The following EPB41L5 variants were observed in gnomAD, a reference collection of about 807,000 sequenced individuals.
EPB41L5 encodes erythrocyte membrane protein band 4.1 like 5.
A neutral mutation model predicts 106.6 loss-of-function variants in EPB41L5; 55 were observed. The ratio of observed to expected loss-of-function variants is 0.52; its 90% CI spans 0.42 to 0.65. The LOEUF (loss-of-function observed/expected upper bound fraction) is 0.65. Among genes scored for constraint, EPB41L5 ranks in the 30% least tolerant of loss-of-function variants. The pLI, the probability that EPB41L5 is intolerant of heterozygous loss-of-function variation, is 0.00. For synonymous variants in EPB41L5, 297 were observed against 306.7 expected, an observed-to-expected ratio of 0.97 and a Z score of 0.33; for missense variants, 871 against 882.1, an observed-to-expected ratio of 0.99 and a Z score of 0.16.
chr2:120,114,608 T>A (rs1684868191), intron 16 of EPB41L5, among the ~76,000 whole-genome samples: 1 of 152,198 alleles, frequency 6.6e-6, no homozygotes, highest in Non-Finnish European at 1.5e-5. Flanking sequence ...ATTTAAAAAA[T>A]CTGGTTATTT....
At chr2:120,160,807 A>C in intron 20 of EPB41L5, 74 bp from the exon 21 acceptor site, 2 of 1,050,090 alleles carry the variant, frequency 1.9e-6, no homozygotes, top group Non-Finnish European at 2.9e-6. Flanking sequence ...CTTCTTTCCT[A>C]AGCCCTTTCT....
At chr2:120,018,297 A>T (rs1433215145) in intron 1 of EPB41L5, among the ~76,000 whole-genome samples, 1 of 151,974 alleles carries the variant, frequency 6.6e-6, no homozygotes, top group Non-Finnish European at 1.5e-5. Flanking sequence ...TCATCAAAGG[A>T]TACCTTAGTG....
At chr2:120,135,645 C>T (rs1279811201) in intron 18 of EPB41L5, among the ~76,000 whole-genome samples, 3 of 152,058 alleles carry the variant, frequency 2.0e-5, no homozygotes, top group South Asian at 4.2e-4. Flanking sequence ...TTCAGTAAGT[C>T]GAAGCAGACT....
chr2:120,040,640 A>G (rs1346135575), intron 2 of EPB41L5, among the ~76,000 whole-genome samples: 1 of 152,208 alleles, frequency 6.6e-6, no homozygotes, highest in Non-Finnish European at 1.5e-5. Context: ...AGGCATGTAC[A>G]TTTTTGAAAT....
At chr2:120,046,804 TAA>T (rs1264438291) in intron 3 of EPB41L5, among the ~76,000 whole-genome samples, 6 of 152,220 alleles carry the variant, frequency 3.9e-5, no homozygotes, top group African/African-American at 1.4e-4. Context: ...GTCTAACATT[TAA>T]GTCTTTAATC....
chr2:120,078,390 A>T, intron 9 of EPB41L5, 103 bp from the exon 10 acceptor site: 1 of 582,766 alleles, frequency 1.7e-6, no homozygotes, highest in Non-Finnish European at 2.9e-6. Context: ...TAGCCTGTAT[A>T]TAATTAATAC....
At chr2:120,117,306 C>T (rs1187448193) in intron 16 of EPB41L5, among the ~76,000 whole-genome samples, 1 of 152,176 alleles carries the variant, frequency 6.6e-6, no homozygotes, top group Non-Finnish European at 1.5e-5. Context: ...TTGCTATACC[C>T]ATGCCACTGT....
chr2:120,090,454 C>G lies in EPB41L5; in HGVS notation c.981C>G (p.Gly327=), dbSNP rs776807631. 6.2e-7 allele frequency: 1 copy of G among 1,613,732 alleles called. No homozygotes were observed. The change falls in exon 12 of 25, where the codon GGC becomes GGG. Residue 327 remains glycine, a synonymous_variant. Transcript: ENST00000263713. ...ATCATGCTTTCTTCCGCCTTCGAGG[C>G]CCCGTCCAAAAGAGTTCTCATCGAT... The part of the protein sequence containing the change: ...VEHHAFFRLR[G]PVQKSSHRSG...
chr2:120,096,370 A>C (rs765807223), intron 14 of EPB41L5, among the ~76,000 whole-genome samples: 2 of 152,170 alleles, frequency 1.3e-5, no homozygotes, highest in Non-Finnish European at 2.9e-5. Flanking sequence ...AACAGGGAGG[A>C]AGTGAAATTT....
At position 120,041,143 on chromosome 2, in the gene EPB41L5, CAT is replaced by C. The variant is rs201686509; in HGVS notation, c.181-860_181-859del. On this transcript the variant is annotated intron_variant, in intron 2 of 24. Transcript: ENST00000263713. ...CCTTTTATGTTAACGTAATATAAAA[CAT>C]ATTATAAAAATAACTATTTTCTAAA... 6.9e-3 allele frequency among the ~76,000 whole-genome samples: 1,052 copies of C among 152,180 alleles called. 8 individuals are homozygous for C. The highest frequency in any genetic ancestry group is 0.024 in the African/African-American group (1,011 of 41,536).
At chr2:120,069,516 A>G (rs1481797325) in intron 3 of EPB41L5, among the ~76,000 whole-genome samples, 1 of 152,212 alleles carries the variant, frequency 6.6e-6, no homozygotes, top group Non-Finnish European at 1.5e-5. Flanking sequence ...AGCAGAATAT[A>G]CATTCTTCTC....
chr2:120,170,014 A>G (rs567398838), intron 24 of EPB41L5, among the ~76,000 whole-genome samples: 13 of 152,314 alleles, frequency 8.5e-5, no homozygotes, highest in African/African-American at 3.1e-4. Flanking sequence ...CAGTGATTCT[A>G]TTTTTATATA....
intron 5 of EPB41L5, among the ~76,000 whole-genome samples, chr2:120,074,606 G>A (rs1281499902): frequency 2.0e-5 from 3 of 151,916 alleles, no homozygotes; most frequent in African/African-American, 4.8e-5. Flanking sequence ...GATTCTGATT[G>A]GTTTGAATAG....
At chr2:120,123,646 C>CATTTT (rs1178238151) in intron 16 of EPB41L5, among the ~76,000 whole-genome samples, 3 of 68,304 alleles carry the variant, frequency 4.4e-5, no homozygotes, top group Non-Finnish European at 8.3e-5. Flanking sequence ...GTGTTCGTCC[C>CATTTT]TTTTTTTTTT....
At chr2:120,103,636 C>T (rs1295633094) in intron 16 of EPB41L5, among the ~76,000 whole-genome samples, 1 of 152,044 alleles carries the variant, frequency 6.6e-6, no homozygotes, top group African/African-American at 2.4e-5. Context: ...TTTCCTTTTC[C>T]ATATATGCTT....
At chr2:120,131,474 A>G (rs1198940882) in intron 17 of EPB41L5, 144 bp from the exon 18 acceptor site, 1 of 608,338 alleles carries the variant, frequency 1.6e-6, no homozygotes, top group Non-Finnish European at 3.0e-6. Context: ...GAAAGAAAAT[A>G]TATTTATTTT....
At chr2:120,040,841 G>C (rs907134210) in intron 2 of EPB41L5, among the ~76,000 whole-genome samples, 8 of 152,138 alleles carry the variant, frequency 5.3e-5, no homozygotes, top group Non-Finnish European at 1.2e-4. Context: ...GACAAGTTGA[G>C]ATAATAAACT....
At chr2:120,100,456 C>CT (rs1684067898) in intron 15 of EPB41L5, among the ~76,000 whole-genome samples, 170 bp downstream of exon 15, 1 of 152,106 alleles carries the variant, frequency 6.6e-6, no homozygotes, top group Non-Finnish European at 1.5e-5. Flanking sequence ...ATTTTATTCT[C>CT]TAAGATTTTG....
At chr2:120,170,689 TCACAAGTCCTTTC>T (rs1687636328) in intron 24 of EPB41L5, among the ~76,000 whole-genome samples, 1 of 152,228 alleles carries the variant, frequency 6.6e-6, no homozygotes, top group East Asian at 1.9e-4. Context: ...TTAAAGTAAG[TCACAAGTCCTTTC>T]CACACCCAAG....
Sources: gnomAD v4.1 joint callset for allele counts (sites outside exome capture counted in the v4.1 genomes callset) on GRCh38, gnomAD v4.1.1 for gene constraint, MANE v1.5 for transcripts, NCBI Gene and HGNC (gene_info 2026-07-23, HGNC 2026-07-21) for gene names.